Variants in COL5A2 observed in about 807,000 individuals in gnomAD.
COL5A2 encodes the protein collagen type V alpha 2 chain.
COL5A2 carries 23 observed loss-of-function variants against 208.2 expected under a neutral mutation model. That is an observed-to-expected ratio of 0.11 (90% confidence interval 0.08 to 0.16). COL5A2 has a LOEUF of 0.16. Among genes scored for constraint, COL5A2 ranks in the 10% least tolerant of loss-of-function variants. The pLI is 1.00. For synonymous variants in COL5A2, 625 were observed against 628.5 expected (o/e 0.99, Z 0.08); for missense variants, 1,590 against 1,956.4 (o/e 0.81, Z 3.53).
rs575525406 is a variant in COL5A2 at position 189,195,661 on chromosome 2, C to T, written c.-42+29487G>A. Among the ~76,000 whole-genome samples the T allele has an allele frequency of 1.8e-4, 27 of 152,208 alleles. No individual in the cohort carries two copies. The South Asian group carries it at 2.3e-3, about 13-fold the overall frequency. On this transcript the variant is annotated intron_variant, in intron 1 of 10. Transcript: ENST00000649966. ...AACAGAGACCTCAGAAATAACACCA[C>T]GTATCTACAGCCATCTGATCTTCCA...
intron 1 of COL5A2, among the ~76,000 whole-genome samples, chr2:189,208,312 A>T (rs1431377667): frequency 6.6e-6 from 1 of 152,230 alleles, no homozygotes; most frequent in Non-Finnish European, 1.5e-5. Flanking sequence ...TCCATTACAT[A>T]ATAAGGAGTC....
chr2:189,050,633 C>T lies in COL5A2; in HGVS notation c.2975G>A (p.Arg992Lys). The part of the protein sequence containing the change: ...PPGPAGTTGQ[R>K]GIVGMPGQRG... ...TTGCCCAGGCATGCCAACAATTCCTCTCTGCCCGGTCGTTCCAGCTGGACC... is the reference window on the plus strand; with the variant it reads ...TTGCCCAGGCATGCCAACAATTCCTTTCTGCCCGGTCGTTCCAGCTGGACC... The change falls in exon 43 of 54, where the codon AGA (arginine) becomes AAA (lysine). Residue 992 changes from arginine (R) to lysine (K), a missense_variant. Arg to Lys is a conservative substitution (Grantham distance 26). Transcript: ENST00000374866. 1.3e-6 allele frequency: 2 copies of T among 1,552,656 alleles called. No homozygotes were observed. The highest frequency in any genetic ancestry group is 1.7e-6 in the Non-Finnish European group (2 of 1,147,470).
the COL5A2 span, among the ~76,000 whole-genome samples, chr2:189,379,168 C>T: frequency 6.6e-6 from 1 of 152,092 alleles, no homozygotes; most frequent in East Asian, 1.9e-4. Flanking sequence ...TCATTCATCC[C>T]TTGAAGCCCA....
At chr2:189,262,228 CA>C in the COL5A2 span, among the ~76,000 whole-genome samples, 1 of 152,058 alleles carries the variant, frequency 6.6e-6, no homozygotes, top group African/African-American at 2.4e-5. Flanking sequence ...AAAATATTAG[CA>C]GCACCAAATG....
upstream of COL5A2, among the ~76,000 whole-genome samples, chr2:189,226,297 A>C (rs1311947333): frequency 1.3e-5 from 2 of 152,188 alleles, no homozygotes; most frequent in Admixed American, 6.6e-5. Flanking sequence ...TGGCATCAGC[A>C]AGATGTAGTA....
At chr2:189,034,254 A>G in intron 53 of COL5A2, 38 bp from the exon 54 acceptor site, 1 of 1,612,246 alleles carries the variant, frequency 6.2e-7, no homozygotes, top group African/African-American at 1.3e-5. Context: ...ATGTACATAC[A>G]ATTTTTTCCA....
chr2:189,058,296 A>G, intron 33 of COL5A2, 133 bp downstream of exon 33: 1 of 800,548 alleles, frequency 1.2e-6, no homozygotes, highest in Admixed American at 2.0e-5. Context: ...CTCATTAAAT[A>G]TTTGTGGAAG....
At chr2:189,315,558 A>G in the COL5A2 span, among the ~76,000 whole-genome samples, 1 of 152,150 alleles carries the variant, frequency 6.6e-6, no homozygotes, top group African/African-American at 2.4e-5. Context: ...CCTATTCCAC[A>G]TAGTATTGGA....
At chr2:189,302,541 CA>C in the COL5A2 span, among the ~76,000 whole-genome samples, 1 of 152,030 alleles carries the variant, frequency 6.6e-6, no homozygotes, top group East Asian at 1.9e-4. Context: ...AAGTGCACTT[CA>C]AAAAATAATA....
At chr2:189,318,615 G>A in the COL5A2 span, among the ~76,000 whole-genome samples, 26 of 152,200 alleles carry the variant, frequency 1.7e-4, no homozygotes, top group Admixed American at 7.2e-4. Context: ...GTACCTGATA[G>A]GTAAATGGTA....
chr2:189,335,235 A>T, the COL5A2 span, among the ~76,000 whole-genome samples: 1 of 152,084 alleles, frequency 6.6e-6, no homozygotes, highest in Non-Finnish European at 1.5e-5. Flanking sequence ...TCATCACAAT[A>T]ATCAAAAAAT....
In COL5A2 at chr2:189,045,220, G is replaced by A; in HGVS notation, c.3322C>T (p.Pro1108Ser). 6.2e-7 allele frequency: 1 copy of A among 1,607,208 alleles called. No individual in the cohort carries two copies. Among genetic ancestry groups the A allele is most frequent in the South Asian group, 1.1e-5 (1 of 90,086 alleles). The change falls in exon 47 of 54, where the codon CCT becomes TCT. Residue 1108 changes from proline to serine, a missense_variant. Pro to Ser is a moderately conservative substitution (Grantham distance 74). Coordinates refer to ENST00000374866, the MANE Select transcript of COL5A2 (RefSeq NM_000393.5). ...GQRGDPGSRG[P>S]IGPPGRAGKR... ...CCAGCTCGACCAGGTGGTCCTATAGGACCCCGAGAACCCTAAAAGAAATTT... is the reference window on the plus strand; with the variant it reads ...CCAGCTCGACCAGGTGGTCCTATAGAACCCCGAGAACCCTAAAAGAAATTT...
intron 1 of COL5A2, among the ~76,000 whole-genome samples, chr2:189,169,647 T>G (rs1417690849): frequency 6.6e-6 from 1 of 152,206 alleles, no homozygotes; most frequent in Non-Finnish European, 1.5e-5. Flanking sequence ...TCTTTATTTC[T>G]CTGTAATATC....
intron 7 of COL5A2, among the ~76,000 whole-genome samples, chr2:189,091,802 C>A (rs1050965053): frequency 6.6e-6 from 1 of 152,082 alleles, no homozygotes; most frequent in Non-Finnish European, 1.5e-5. Flanking sequence ...TCAAAGAAGT[C>A]GGTATTGAAA....
At chr2:189,405,884 T>C in the COL5A2 span, among the ~76,000 whole-genome samples, 4 of 152,238 alleles carry the variant, frequency 2.6e-5, no homozygotes, top group African/African-American at 9.6e-5. Context: ...GCATTTGTGA[T>C]CCTTTAGGAA....
At chr2:189,317,858 G>T in the COL5A2 span, among the ~76,000 whole-genome samples, 1 of 152,104 alleles carries the variant, frequency 6.6e-6, no homozygotes, top group Non-Finnish European at 1.5e-5. Flanking sequence ...TATTCAAATT[G>T]AAAGGTAAAA....
At chr2:189,045,691 G>T in intron 46 of COL5A2, 109 bp downstream of exon 46, 1 of 854,818 alleles carries the variant, frequency 1.2e-6, no homozygotes, top group Non-Finnish European at 2.0e-6. Flanking sequence ...ATTATTTAGA[G>T]TCCTTAACGA....
the COL5A2 span, among the ~76,000 whole-genome samples, chr2:189,417,415 G>T: frequency 7.0e-6 from 1 of 142,484 alleles, no homozygotes; most frequent in Non-Finnish European, 1.5e-5. Flanking sequence ...TTGATTTCTG[G>T]TAAGTTAAGT....
chr2:189,371,377 G>T, the COL5A2 span, among the ~76,000 whole-genome samples: 1 of 152,176 alleles, frequency 6.6e-6, no homozygotes, highest in Non-Finnish European at 1.5e-5. Flanking sequence ...TTTGGAACTG[G>T]GTAATAGGCA....
Sources: allele counts gnomAD v4.1 joint callset (sites outside exome capture counted in the v4.1 genomes callset), GRCh38; gene constraint gnomAD v4.1.1; transcripts MANE v1.5; gene names NCBI Gene and HGNC (gene_info 2026-07-23, HGNC 2026-07-21).